EXOC2: variants seen among roughly 807,000 people sequenced by gnomAD.
EXOC2 encodes SEC5-like 1.
EXOC2 carries 70 observed loss-of-function variants against 131.8 expected under a neutral mutation model. That is an observed-to-expected ratio of 0.53 (90% CI 0.44 to 0.65). EXOC2 has a LOEUF of 0.65. Ranked by LOEUF, EXOC2 falls within the 30% of genes least tolerant of loss-of-function variation. EXOC2 has a pLI of 0.00. For synonymous variants in EXOC2, 411 were observed against 398.4 expected, an observed-to-expected ratio of 1.03 and a Z score of -0.38; for missense variants, 923 against 1,108.6, an observed-to-expected ratio of 0.83 and a Z score of 2.38.
At chr6:538,313 C>T (rs936306483) in intron 22 of EXOC2, among the ~76,000 whole-genome samples, 3 of 152,200 alleles carry the variant, frequency 2.0e-5, no homozygotes, top group Non-Finnish European at 4.4e-5. Flanking sequence ...GCCTCATTTT[C>T]ACTAACACCC....
Position 532,569 on chromosome 6 carries a change from A to G in EXOC2, c.2280T>C (p.Phe760=), listed in dbSNP as rs1418828838. The change falls in exon 23 of 28, where the codon TTT becomes TTC. Residue 760 remains phenylalanine (F), a synonymous_variant. Transcript: ENST00000230449. The stretch of plus-strand genomic sequence containing the variant: ...CTGCTTTCAACTCGATGTAATTTTC[A>G]AAGAGTCTTTGATCTAGTTCTTTCA... ...ASLKELDQRL[F]ENYIELKADP... 1.9e-6 allele frequency: 3 copies of G among 1,609,174 alleles called. No individual in the cohort carries two copies. The Admixed American group carries it at 5.1e-5, about 27-fold the overall frequency.
At chr6:511,966 C>A (rs1313995859) in intron 23 of EXOC2, among the ~76,000 whole-genome samples, 1 of 152,230 alleles carries the variant, frequency 6.6e-6, no homozygotes, top group African/African-American at 2.4e-5. Context: ...AAAATAAGTG[C>A]AACCCCTTTA....
intron 23 of EXOC2, among the ~76,000 whole-genome samples, chr6:502,077 G>A (rs578040046): frequency 1.1e-4 from 17 of 152,228 alleles, no homozygotes; most frequent in African/African-American, 3.9e-4. Context: ...ACCCAGGGGC[G>A]GAGATCCACA....
rs1011214275 is a variant in EXOC2 at position 535,329 on chromosome 6, T to C, written c.2239-2719A>G. 2.6e-5 allele frequency among the ~76,000 whole-genome samples: 4 copies of C among 152,086 alleles called. No individual in the cohort carries two copies. The South Asian group carries it at 8.3e-4, about 31-fold the overall frequency. On this transcript the variant is annotated intron_variant, in intron 22 of 27. Transcript: ENST00000230449. Reference sequence around the variant, plus strand: ...GCAGCGTGGTATGATTCAACTACCGTACTCCAATCTAGGTAACAGAGCAAG... The same window carrying C: ...GCAGCGTGGTATGATTCAACTACCGCACTCCAATCTAGGTAACAGAGCAAG...
At chr6:658,701 GC>G (rs1484335874) in intron 1 of EXOC2, among the ~76,000 whole-genome samples, 1 of 114,766 alleles carries the variant, frequency 8.7e-6, no homozygotes, top group African/African-American at 3.3e-5. Context: ...TGCTTTTGTC[GC>G]CCAGGCTAGA....
intron 22 of EXOC2, among the ~76,000 whole-genome samples, chr6:547,213 G>C (rs1303166071): frequency 6.6e-6 from 1 of 152,184 alleles, no homozygotes; most frequent in Non-Finnish European, 1.5e-5. Flanking sequence ...TTTGTCTCCT[G>C]TTCCTATATT....
At chr6:594,414 A>G (rs1407238252) in intron 10 of EXOC2, among the ~76,000 whole-genome samples, 1 of 152,316 alleles carries the variant, frequency 6.6e-6, no homozygotes, top group South Asian at 2.1e-4. Context: ...TTTGCCTCCC[A>G]ACACCTCTGC....
At chr6:664,026 T>C (rs1209588349) in intron 1 of EXOC2, among the ~76,000 whole-genome samples, 2 of 152,172 alleles carry the variant, frequency 1.3e-5, no homozygotes, top group East Asian at 3.8e-4. Flanking sequence ...TCGTTTACCT[T>C]GAAAACTCTA....
chr6:489,154 A>G, intron 26 of EXOC2, 116 bp from the exon 27 acceptor site: 1 of 960,920 alleles, frequency 1.0e-6, no homozygotes, highest in Non-Finnish European at 1.5e-6. Flanking sequence ...GCAAGGAAAT[A>G]TGAGAAAAAG....
chr6:552,924 T>C (rs1454370523), intron 21 of EXOC2, among the ~76,000 whole-genome samples: 4 of 152,116 alleles, frequency 2.6e-5, no homozygotes, highest in Middle Eastern at 3.4e-3. Flanking sequence ...TATTTATTAT[T>C]ATTATTTTTC....
intron 11 of EXOC2, among the ~76,000 whole-genome samples, chr6:580,371 A>G (rs1365866929): frequency 6.6e-6 from 1 of 152,112 alleles, no homozygotes; most frequent in African/African-American, 2.4e-5. Context: ...CCGTAACAAC[A>G]TAAAATTGTG....
chr6:501,035 G>C (rs1298188050), intron 23 of EXOC2, among the ~76,000 whole-genome samples: 3 of 140,038 alleles, frequency 2.1e-5, no homozygotes, highest in Non-Finnish European at 3.0e-5. Flanking sequence ...GATATATATA[G>C]AGACATATAG....
intron 6 of EXOC2, among the ~76,000 whole-genome samples, chr6:615,188 T>TGG (rs1385905233): frequency 0.012 from 1,729 of 140,206 alleles, 37 homozygotes; most frequent in African/African-American, 0.04. Context: ...TGTGGGTGTG[T>TGG]GTGTGTGTGT....
chr6:689,060 C>A (rs558330783), intron 1 of EXOC2: 1 of 152,298 alleles, frequency 6.6e-6, no homozygotes, highest in East Asian at 1.9e-4. Flanking sequence ...AAGCCTTCAA[C>A]GCTGCACTTG....
intron 23 of EXOC2, among the ~76,000 whole-genome samples, chr6:526,436 T>TC (rs911815353): frequency 7.4e-6 from 1 of 134,582 alleles, no homozygotes; most frequent in African/African-American, 2.7e-5. Context: ...TTGTGGATTT[T>TC]TTTTTTTTTT....
At chr6:625,001 A>T (rs1272269583) in intron 4 of EXOC2, among the ~76,000 whole-genome samples, 3 of 152,246 alleles carry the variant, frequency 2.0e-5, no homozygotes, top group Non-Finnish European at 4.4e-5. Flanking sequence ...GTGTAAACTC[A>T]CGAAATGTTT....
chr6:630,049 C>T (rs1290823570), intron 3 of EXOC2, 88 bp from the exon 4 acceptor site: 2 of 1,443,294 alleles, frequency 1.4e-6, no homozygotes, highest in Non-Finnish European at 1.8e-6. Flanking sequence ...TTCTTAAAGA[C>T]CTAATACAAA....
intron 4 of EXOC2, among the ~76,000 whole-genome samples, chr6:624,801 G>T (rs1454038983): frequency 6.6e-6 from 1 of 152,234 alleles, no homozygotes; most frequent in Non-Finnish European, 1.5e-5. Flanking sequence ...TATCAACACA[G>T]CTAATGAAGC....
intron 4 of EXOC2, among the ~76,000 whole-genome samples, chr6:622,885 C>T (rs1150858): frequency 0.3 from 46,263 of 152,068 alleles, 8,148 homozygotes; most frequent in African/African-American, 0.46. Context: ...CAATGCATTA[C>T]TAAATTGTTA....
Sources: gnomAD v4.1 joint callset for allele counts (sites outside exome capture counted in the v4.1 genomes callset) on GRCh38, gnomAD v4.1.1 for gene constraint, MANE v1.5 for transcripts, NCBI Gene and HGNC (gene_info 2026-07-23, HGNC 2026-07-21) for gene names.